Variants in HECW2 observed in about 807,000 individuals in gnomAD.
The protein encoded by HECW2 is E3 ubiquitin-protein ligase HECW2.
A neutral mutation model predicts 175.2 loss-of-function variants in HECW2; 61 were observed. The ratio of observed to expected loss-of-function variants is 0.35; its 90% CI spans 0.28 to 0.43. HECW2 has a LOEUF of 0.43. HECW2 is among the 20% of genes least tolerant of loss of function. The pLI, the probability that HECW2 is intolerant of heterozygous loss-of-function variation, is 1.00. For missense variants in HECW2, 1,524 were observed against 2,000.5 expected, an observed-to-expected ratio of 0.76 and a Z score of 4.54; for synonymous variants, 671 against 731.0, an observed-to-expected ratio of 0.92 and a Z score of 1.32.
intron 13 of HECW2, among the ~76,000 whole-genome samples, chr2:196,293,434 G>A (rs1690681829): frequency 6.6e-6 from 1 of 152,106 alleles, no homozygotes; most frequent in Non-Finnish European, 1.5e-5. Flanking sequence ...CCATGTCTTT[G>A]CTATTGTGAA....
At chr2:196,497,668 G>A (rs1202088568) in intron 1 of HECW2, among the ~76,000 whole-genome samples, 1 of 152,130 alleles carries the variant, frequency 6.6e-6, no homozygotes, top group Non-Finnish European at 1.5e-5. Flanking sequence ...TCTTCCACAA[G>A]GCGTGTCATA....
At chr2:196,275,536 A>G (rs1272521774) in intron 15 of HECW2, among the ~76,000 whole-genome samples, 6 of 152,258 alleles carry the variant, frequency 3.9e-5, no homozygotes, top group South Asian at 2.1e-4. Flanking sequence ...GGCGGATTAC[A>G]AGGTCAACAG....
At chr2:196,361,678 T>A (rs942423786) in intron 2 of HECW2, 1 of 388,360 alleles carries the variant, frequency 2.6e-6, no homozygotes, top group African/African-American at 2.2e-5. Flanking sequence ...TAATTGTCCC[T>A]CAGCCAGCTG....
chr2:196,224,687 G>C (rs1687787142), intron 23 of HECW2, among the ~76,000 whole-genome samples: 2 of 152,148 alleles, frequency 1.3e-5, no homozygotes, highest in South Asian at 4.1e-4. Context: ...TGCCTCCACA[G>C]GTTTTCTGGT....
chr2:196,376,159 A>G (rs1176434071), intron 2 of HECW2, among the ~76,000 whole-genome samples: 2 of 152,202 alleles, frequency 1.3e-5, no homozygotes, highest in Non-Finnish European at 2.9e-5. Flanking sequence ...TTTGCCCCAA[A>G]CCAGAAGTGT....
At chr2:196,276,980 T>C (rs913312992) in intron 15 of HECW2, among the ~76,000 whole-genome samples, 2 of 152,212 alleles carry the variant, frequency 1.3e-5, no homozygotes, top group African/African-American at 4.8e-5. Context: ...ACTGAAAATA[T>C]GACATGCACA....
intron 2 of HECW2, among the ~76,000 whole-genome samples, chr2:196,389,041 T>A (rs527661753): frequency 6.6e-5 from 10 of 152,320 alleles, no homozygotes; most frequent in African/African-American, 2.4e-4. Flanking sequence ...TCCTAGAATC[T>A]GAAGCATAAA....
At position 196,329,558 on chromosome 2, in the gene HECW2, TTTAA is replaced by T; in HGVS notation, c.571+13_571+16del. 3 of 1,606,706 alleles carry T rather than the reference TTTAA, an allele frequency of 1.9e-6. No homozygotes were observed. The highest frequency in any genetic ancestry group is 2.6e-6 in the Non-Finnish European group (3 of 1,173,338). ...GTACACTTTCAAACTGGATGTCACG[TTTAA>T]AGACATTCTTACCTGACAATGTAAA... On this transcript the variant is annotated intron_variant, in intron 5 of 28. Transcript: ENST00000644978.
intron 28 of HECW2, among the ~76,000 whole-genome samples, chr2:196,210,745 C>G (rs1687253596): frequency 6.6e-6 from 1 of 151,474 alleles, no homozygotes; most frequent in South Asian, 2.1e-4. Flanking sequence ...TCCCGAGTAG[C>G]TGGGATTACA....
chr2:196,476,014 C>T (rs1361602058), intron 1 of HECW2, among the ~76,000 whole-genome samples: 2 of 152,224 alleles, frequency 1.3e-5, no homozygotes, highest in Non-Finnish European at 2.9e-5. Context: ...ACCCTCAATA[C>T]ATTTCTCTGA....
intron 10 of HECW2, among the ~76,000 whole-genome samples, chr2:196,309,786 T>C (rs1015975020): frequency 2.6e-5 from 4 of 152,140 alleles, no homozygotes; most frequent in Non-Finnish European, 5.9e-5. Flanking sequence ...AGAGACCAAC[T>C]AGACCAGCTA....
At chr2:196,461,665 G>C (rs1476016816) in intron 1 of HECW2, among the ~76,000 whole-genome samples, 2 of 152,130 alleles carry the variant, frequency 1.3e-5, no homozygotes, top group African/African-American at 2.4e-5. Context: ...CATGGCAGAA[G>C]GTTAAAGGGA....
chr2:196,222,255 T>A lies in HECW2; in HGVS notation c.4102A>T (p.Ile1368Phe). The A allele has an allele frequency of 1.2e-6, 2 of 1,613,914 alleles. No homozygotes were observed. Among genetic ancestry groups the A allele is most frequent in the Non-Finnish European group, 1.7e-6 (2 of 1,179,906 alleles). ...QWMKDNDIHD[I>F]LDLTFTVNEE... ...TTCACAGTGAACGTGAGGTCTAGGA[T>A]GTCATGGATATCATTGTCTTTCATC... Residue 1368 changes from isoleucine to phenylalanine, a missense_variant, in exon 24 of 29, where the codon ATC becomes TTC. Transcript: ENST00000644978.
chr2:196,452,561 A>G (rs1437342259), intron 1 of HECW2, among the ~76,000 whole-genome samples: 2 of 152,172 alleles, frequency 1.3e-5, no homozygotes, highest in African/African-American at 4.8e-5. Flanking sequence ...ATATCCACTA[A>G]TATAAATCTG....
At chr2:196,509,693 A>G (rs115685400) in intron 1 of HECW2, among the ~76,000 whole-genome samples, 1,853 of 152,328 alleles carry the variant, frequency 0.012, 45 homozygotes, top group African/African-American at 0.043. Flanking sequence ...TCCCTTAAAT[A>G]AAAAGGACAT....
intron 10 of HECW2, chr2:196,316,529 C>G (rs1405472449): frequency 6.6e-6 from 1 of 152,074 alleles, no homozygotes; most frequent in Non-Finnish European, 1.5e-5. Flanking sequence ...CAGGCTTTAT[C>G]AATATTCATC....
Position 196,548,183 on chromosome 2 carries a change from C to T in HECW2, c.-36+45325G>A, listed in dbSNP as rs900491280. On this transcript the variant is annotated intron_variant, in intron 1 of 28. Coordinates refer to ENST00000644978, the MANE Select transcript of HECW2 (RefSeq NM_001348768.2). ...TCTCTACCAAAAATACAAAAATAAGCCAGGCTGTGGTGGTTGCCTGCCTGT... is the reference window on the plus strand; with the variant it reads ...TCTCTACCAAAAATACAAAAATAAGTCAGGCTGTGGTGGTTGCCTGCCTGT... 3.3e-5 allele frequency among the ~76,000 whole-genome samples: 5 copies of T among 151,652 alleles called. No individual in the cohort carries two copies. The South Asian group carries it at 1.0e-3, about 32-fold the overall frequency.
intron 14 of HECW2, chr2:196,292,338 C>T (rs1017737090): frequency 4.4e-6 from 2 of 457,900 alleles, no homozygotes; most frequent in African/African-American, 3.9e-5. Context: ...GAAGTGAATG[C>T]TTTGCCAGCG....
At chr2:196,591,706 G>A (rs1009689572) in intron 1 of HECW2, among the ~76,000 whole-genome samples, 1 of 152,024 alleles carries the variant, frequency 6.6e-6, no homozygotes, top group Non-Finnish European at 1.5e-5. Context: ...TTTATGCCTG[G>A]CTTCTCTAGT....
Sources: gnomAD v4.1 joint callset for allele counts (sites outside exome capture counted in the v4.1 genomes callset) on GRCh38, gnomAD v4.1.1 for gene constraint, MANE v1.5 for transcripts, NCBI Gene and HGNC (gene_info 2026-07-23, HGNC 2026-07-21) for gene names.